RAB3C: variants seen among roughly 807,000 people sequenced by gnomAD.
The protein encoded by RAB3C is ras-related protein Rab-3C.
RAB3C carries 17 observed loss-of-function variants against 26.4 expected under a neutral mutation model. The observed-to-expected ratio is 0.64, with a 90% CI of 0.44 to 0.97. The LOEUF is 0.97. Ranked by LOEUF, RAB3C falls within the 50% of genes least tolerant of loss-of-function variation. RAB3C has a pLI of 0.00. For synonymous variants in RAB3C, 91 were observed against 95.9 expected (o/e 0.95, Z 0.30); for missense variants, 242 against 281.9 (o/e 0.86, Z 1.01).
intron 1 of RAB3C, among the ~76,000 whole-genome samples, chr5:58,584,956 C>A (rs1007367884): frequency 1.3e-5 from 2 of 151,888 alleles, no homozygotes; most frequent in African/African-American, 4.8e-5. Flanking sequence ...ATGTAGTAGG[C>A]ACTGTGATTT....
intron 3 of RAB3C, among the ~76,000 whole-genome samples, chr5:58,813,719 T>C (rs58049605): frequency 0.023 from 3,381 of 144,878 alleles, 45 homozygotes; most frequent in South Asian, 0.036. Context: ...TATTATTTAA[T>C]TCTGGACTTA....
chr5:58,771,989 T>G (rs1307539860), intron 3 of RAB3C, among the ~76,000 whole-genome samples: 1 of 151,726 alleles, frequency 6.6e-6, no homozygotes, highest in Non-Finnish European at 1.5e-5. Context: ...AAAATGGAAA[T>G]AGAAAAGAGC....
At chr5:58,788,839 T>C (rs1261757844) in intron 3 of RAB3C, among the ~76,000 whole-genome samples, 1 of 152,234 alleles carries the variant, frequency 6.6e-6, no homozygotes, top group African/African-American at 2.4e-5. Flanking sequence ...ACATTTTGGA[T>C]AATGGTATGT....
intron 3 of RAB3C, among the ~76,000 whole-genome samples, chr5:58,762,623 G>T (rs1252995875): frequency 6.6e-6 from 1 of 152,174 alleles, no homozygotes; most frequent in African/African-American, 2.4e-5. Flanking sequence ...AACCTGGGAG[G>T]CAGAGGTTAC....
At chr5:58,779,682 C>T (rs1239788637) in intron 3 of RAB3C, among the ~76,000 whole-genome samples, 1 of 152,068 alleles carries the variant, frequency 6.6e-6, no homozygotes, top group Non-Finnish European at 1.5e-5. Flanking sequence ...ACCACTCTTC[C>T]CAGCCTTTAC....
chr5:58,803,471 T>C (rs1389291732), intron 3 of RAB3C, among the ~76,000 whole-genome samples: 9 of 152,218 alleles, frequency 5.9e-5, no homozygotes, highest in Non-Finnish European at 1.0e-4. Context: ...CTTATACTGC[T>C]CACTACCAGA....
intron 2 of RAB3C, among the ~76,000 whole-genome samples, chr5:58,685,343 T>C (rs1286290049): frequency 6.6e-6 from 1 of 152,142 alleles, no homozygotes; most frequent in African/African-American, 2.4e-5. Context: ...CTTTCCAGTG[T>C]CCAGAAACTG....
chr5:58,689,736 G>A (rs917966007), intron 2 of RAB3C, among the ~76,000 whole-genome samples: 5 of 152,062 alleles, frequency 3.3e-5, no homozygotes, highest in Admixed American at 1.3e-4. Context: ...GTTAAGTGGG[G>A]TGGAAATGTC....
At chr5:58,588,990 A>G (rs1211726618) in intron 1 of RAB3C, among the ~76,000 whole-genome samples, 1 of 152,148 alleles carries the variant, frequency 6.6e-6, no homozygotes, top group African/African-American at 2.4e-5. Flanking sequence ...CCCCATTTTA[A>G]GAGGGAAGAC....
chr5:58,645,129 T>C (rs1747490283), intron 2 of RAB3C, among the ~76,000 whole-genome samples: 2 of 152,232 alleles, frequency 1.3e-5, no homozygotes, highest in Non-Finnish European at 1.5e-5. Flanking sequence ...GGCTCCTGAA[T>C]ATGGCTACAA....
intron 2 of RAB3C, among the ~76,000 whole-genome samples, chr5:58,659,785 A>C (rs887778349): frequency 3.6e-4 from 55 of 152,294 alleles, no homozygotes; most frequent in African/African-American, 1.3e-3. Context: ...CATCAGTCTT[A>C]TGATGATCCC....
intron 3 of RAB3C, among the ~76,000 whole-genome samples, chr5:58,726,837 T>C (rs1338851644): frequency 6.6e-6 from 1 of 151,992 alleles, no homozygotes; most frequent in Non-Finnish European, 1.5e-5. Context: ...TACAGTATCC[T>C]TCATTCTATC....
At position 58,717,599 on chromosome 5, in the gene RAB3C, A is replaced by G. The variant is rs574942588; in HGVS notation, c.253-8403A>G. On this transcript the variant is annotated intron_variant, in intron 2 of 4. Coordinates refer to ENST00000282878, the MANE Select transcript of RAB3C (RefSeq NM_138453.4). ...ATTCCTTCTCTTTTAAAATTTCTTC[A>G]GCTCCCTTCTGCCCCTGTTAATATA... Among the ~76,000 whole-genome samples, 4 of 152,158 alleles carry G rather than the reference A, an allele frequency of 2.6e-5. No homozygotes were observed. The South Asian group carries it at 6.2e-4, about 24-fold the overall frequency.
intron 4 of RAB3C, among the ~76,000 whole-genome samples, chr5:58,848,145 C>T (rs867593308): frequency 2.0e-5 from 3 of 152,180 alleles, no homozygotes; most frequent in African/African-American, 7.2e-5. Context: ...CATGAGCCAC[C>T]ACACCCAGCC....
At chr5:58,669,554 G>C (rs1053451871) in intron 2 of RAB3C, among the ~76,000 whole-genome samples, 3 of 152,202 alleles carry the variant, frequency 2.0e-5, no homozygotes, top group Admixed American at 6.5e-5. Context: ...TGGCTCCTTA[G>C]AGGCAGTAGA....
rs1744269181 is a variant in RAB3C at position 58,856,815 on chromosome 5, A to T, written c.*5464A>T. ...TGTCAAGTGGTTCCATACTTCTTGT[A>T]AAAGTAAAGTTTGGGTATTGTTTGC... On this transcript the variant is annotated 3_prime_UTR_variant, in exon 5 of 5. Coordinates refer to ENST00000282878, the MANE Select transcript of RAB3C (RefSeq NM_138453.4). 6.6e-6 allele frequency: 1 copy of T among 152,200 alleles called. No individual in the cohort carries two copies. Among genetic ancestry groups the T allele is most frequent in the Admixed American group, 6.5e-5 (1 of 15,270 alleles). The allele number at this position is 152,200 out of a possible 1,614,324, so 9.4% of individuals were successfully genotyped here. A position where few individuals can be genotyped will look rare whatever the true frequency, so the allele number is the denominator to read the frequency against.
chr5:58,707,801 C>T (rs1748974513), intron 2 of RAB3C, among the ~76,000 whole-genome samples: 1 of 152,052 alleles, frequency 6.6e-6, no homozygotes, highest in South Asian at 2.1e-4. Flanking sequence ...AATAGGTCTC[C>T]TAAAACTTCC....
chr5:58,750,937 C>T, intron 3 of RAB3C, among the ~76,000 whole-genome samples: 1 of 152,038 alleles, frequency 6.6e-6, no homozygotes, highest in African/African-American at 2.4e-5. Flanking sequence ...TCTCTGCAAC[C>T]TCCACCTCCC....
intron 1 of RAB3C, among the ~76,000 whole-genome samples, chr5:58,609,414 G>A (rs1356593420): frequency 1.3e-5 from 2 of 152,170 alleles, no homozygotes; most frequent in Non-Finnish European, 2.9e-5. Flanking sequence ...AGAAGGTTCT[G>A]TTCCTTTAAA....
Sources: allele counts gnomAD v4.1 joint callset (sites outside exome capture counted in the v4.1 genomes callset), GRCh38; gene constraint gnomAD v4.1.1; transcripts MANE v1.5; gene names NCBI Gene and HGNC (gene_info 2026-07-23, HGNC 2026-07-21).